GYPB: variants seen among roughly 807,000 people sequenced by gnomAD.
The protein encoded by GYPB is glycophorin B (MNS blood group).
A neutral mutation model predicts 15.3 loss-of-function variants in GYPB; 13 were observed. That is an observed-to-expected ratio of 0.85 (90% CI 0.55 to 1.35). The LOEUF (loss-of-function observed/expected upper bound fraction) is 1.35. GYPB is among the 40% of genes most tolerant of loss of function. The pLI is 0.00. For missense variants in GYPB, 131 were observed against 108.3 expected (o/e 1.21, Z -0.93); for synonymous variants, 38 against 36.9 (o/e 1.03, Z -0.11).
chr4:144,015,602 G>A lies in GYPB; in HGVS notation c.37+3649C>T, dbSNP rs533015755. 4.5e-4 allele frequency among the ~76,000 whole-genome samples: 68 copies of A among 151,498 alleles called. 1 individual carries two copies. The highest frequency in any genetic ancestry group is 3.4e-3 in the Middle Eastern group (1 of 294). On this transcript the variant is annotated intron_variant, in intron 1 of 4. Coordinates refer to ENST00000502664, the MANE Select transcript of GYPB (RefSeq NM_002100.6). ...CAAGGTGAAAAGAAATTTATCACAA[G>A]AATGTGAAGCTAAATTTCCTAATTT...
intron 1 of GYPB, among the ~76,000 whole-genome samples, chr4:144,013,195 A>G (rs1336518489): frequency 6.6e-6 from 1 of 151,320 alleles, no homozygotes; most frequent in Non-Finnish European, 1.5e-5. Context: ...CCATCAGAGA[A>G]ATGCAAATCA....
At chr4:144,005,552 C>A (rs1305308123) in intron 1 of GYPB, among the ~76,000 whole-genome samples, 2 of 151,592 alleles carry the variant, frequency 1.3e-5, no homozygotes, top group East Asian at 3.8e-4. Flanking sequence ...ATACCATAGC[C>A]GCTATGAGAA....
intron 1 of GYPB, among the ~76,000 whole-genome samples, chr4:144,013,044 G>C (rs900103070): frequency 6.6e-6 from 1 of 151,574 alleles, no homozygotes; most frequent in African/African-American, 2.4e-5. Flanking sequence ...TTTGCAAATA[G>C]TATATCTGAT....
intron 1 of GYPB, among the ~76,000 whole-genome samples, chr4:144,011,262 G>C (rs558386832): frequency 0.013 from 1,920 of 150,998 alleles, 103 homozygotes; most frequent in African/African-American, 0.045. Flanking sequence ...CGCCTGTATT[G>C]TCAGCTACTT....
At chr4:144,015,455 C>T (rs935498416) in intron 1 of GYPB, among the ~76,000 whole-genome samples, 6 of 151,016 alleles carry the variant, frequency 4.0e-5, no homozygotes, top group African/African-American at 1.5e-4. Flanking sequence ...TTTTTTTGAG[C>T]AAAAGATATT....
At position 144,000,868 on chromosome 4, in the gene GYPB, T is replaced by G. The variant is rs754316880; in HGVS notation, c.136+317A>C. On this transcript the variant is annotated intron_variant, in intron 2 of 4. Coordinates refer to ENST00000502664, the MANE Select transcript of GYPB (RefSeq NM_002100.6). ...TGAGCCCAGGTCTGAGCTGAACTCA[T>G]TTTGCCCACAGACCCTCCGCACCAC... 3.7e-4 allele frequency among the ~76,000 whole-genome samples: 56 copies of G among 151,290 alleles called. 1 individual carries two copies. Among genetic ancestry groups the G allele is most frequent in the African/African-American group, 6.4e-4 (26 of 40,586 alleles).
intron 4 of GYPB, among the ~76,000 whole-genome samples, chr4:143,996,792 T>A (rs1727336794): frequency 7.8e-6 from 1 of 129,022 alleles, no homozygotes; most frequent in Non-Finnish European, 1.7e-5. Context: ...TTAAAAAACT[T>A]TAATGATTCA....
chr4:143,996,706 G>A (rs192105817), intron 4 of GYPB, among the ~76,000 whole-genome samples: 1 of 150,702 alleles, frequency 6.6e-6, no homozygotes, highest in Non-Finnish European at 1.5e-5. Flanking sequence ...GGAGGCAGAG[G>A]CTGCAGTGAG....
At chr4:144,001,980 A>AAAC (rs1727651417) in intron 1 of GYPB, among the ~76,000 whole-genome samples, 1 of 149,380 alleles carries the variant, frequency 6.7e-6, no homozygotes, top group Non-Finnish European at 1.5e-5. Context: ...AAAAAAAAAA[A>AAAC]AAAAAAAAAC....
At position 143,996,241 on chromosome 4, in the gene GYPB, A is replaced by C; in HGVS notation, c.*58T>G. ...CAGGTGCAGCCAGTTTGCATAAACAAGAGAACAGCAGGTGCAGCCGGTTCT... is the reference window on the plus strand; with the variant it reads ...CAGGTGCAGCCAGTTTGCATAAACACGAGAACAGCAGGTGCAGCCGGTTCT... On this transcript the variant is annotated 3_prime_UTR_variant, in exon 5 of 5. Transcript: ENST00000502664. 1.3e-6 allele frequency: 2 copies of C among 1,550,286 alleles called. No individual in the cohort carries two copies. The highest frequency in any genetic ancestry group is 2.4e-5 in the East Asian group (1 of 40,924).
chr4:143,998,427 A>G (rs2667311), intron 3 of GYPB, among the ~76,000 whole-genome samples: 12 of 151,440 alleles, frequency 7.9e-5, no homozygotes, highest in Non-Finnish European at 1.5e-4. Flanking sequence ...CACAAAAAGT[A>G]AAAGTAGCAT....
intron 4 of GYPB, chr4:143,997,299 AG>A (rs1197679219): frequency 1.3e-5 from 5 of 372,850 alleles, no homozygotes; most frequent in Middle Eastern, 1.6e-3. Flanking sequence ...ACAAAAACTT[AG>A]GGAGATCTTT....
intron 2 of GYPB, 100 bp downstream of exon 2, chr4:144,001,085 G>T: frequency 6.3e-7 from 1 of 1,591,598 alleles, no homozygotes; most frequent in Non-Finnish European, 8.6e-7. Flanking sequence ...GCATTTCTCA[G>T]TGTTTGTCAG....
chr4:144,013,590 T>TA (rs1728329534), intron 1 of GYPB, among the ~76,000 whole-genome samples: 1 of 151,096 alleles, frequency 6.6e-6, no homozygotes, highest in Non-Finnish European at 1.5e-5. Context: ...TATGCAGCCA[T>TA]AAAAAATGAT....
chr4:143,997,539 C>A lies in GYPB; in HGVS notation c.270+1G>T. 1 of 1,547,048 alleles carries A rather than the reference C, an allele frequency of 6.5e-7. No homozygotes were observed. Among genetic ancestry groups the A allele is most frequent in the Non-Finnish European group, 8.9e-7 (1 of 1,121,988 alleles). ...AGCAAAATTAAAAACTGAATTCTCA[C>A]CTTTATCAGTCGGCGAATACTGTAA... On this transcript the variant is annotated splice_donor_variant, in intron 4 of 4. Transcript: ENST00000502664. LOFTEE classifies it high-confidence loss of function.
chr4:144,008,394 T>C (rs1478557214), intron 1 of GYPB: 3 of 455,172 alleles, frequency 6.6e-6, no homozygotes, highest in Non-Finnish European at 1.3e-5. Context: ...TAATTCACCT[T>C]GTTTATAGCC....
intron 1 of GYPB, among the ~76,000 whole-genome samples, chr4:144,018,737 T>C (rs1728632803): frequency 6.6e-6 from 1 of 151,282 alleles, no homozygotes; most frequent in Non-Finnish European, 1.5e-5. Flanking sequence ...TTTTTGTTTT[T>C]TTTCTTCCTA....
intron 1 of GYPB, among the ~76,000 whole-genome samples, chr4:144,015,524 A>G (rs1285090377): frequency 6.6e-6 from 1 of 151,502 alleles, no homozygotes; most frequent in Non-Finnish European, 1.5e-5. Flanking sequence ...AAATTCCCCA[A>G]AAGTATACTT....
rs144545503 is a variant in GYPB, at chr4:144,015,977, T to G, written c.37+3274A>C. Among the ~76,000 whole-genome samples, 324 of 151,082 alleles carry G rather than the reference T, an allele frequency of 2.1e-3. 23 individuals are homozygous for G. Among genetic ancestry groups the G allele is most frequent in the African/African-American group, 7.4e-3 (301 of 40,510 alleles). On this transcript the variant is annotated intron_variant, in intron 1 of 4. Transcript: ENST00000502664. Reference sequence around the variant, plus strand: ...ATTTGTCATTTTGAGTAGTTGATATTGACTGCCTACTATGTGGCTGACAAT... The same window carrying G: ...ATTTGTCATTTTGAGTAGTTGATATGGACTGCCTACTATGTGGCTGACAAT...
Sources: gnomAD v4.1 joint callset for allele counts (sites outside exome capture counted in the v4.1 genomes callset) on GRCh38, gnomAD v4.1.1 for gene constraint, MANE v1.5 for transcripts, NCBI Gene and HGNC (gene_info 2026-07-23, HGNC 2026-07-21) for gene names.